The following PRKG1 variants were observed in gnomAD, a reference collection of about 807,000 sequenced individuals.
PRKG1 encodes protein kinase cGMP-dependent 1.
Under a neutral mutation model 88.1 loss-of-function variants are expected in PRKG1, and 35 were observed. The observed-to-expected ratio is 0.40, with a 90% CI of 0.30 to 0.53. The LOEUF is 0.53. PRKG1 is among the 20% of genes least tolerant of loss of function. PRKG1 has a pLI of 0.59. For missense variants in PRKG1, 540 were observed against 839.8 expected (o/e 0.64, Z 4.41); for synonymous variants, 303 against 292.5 (o/e 1.04, Z -0.37).
chr10:51,760,083 G>A (rs764485075), intron 3 of PRKG1, among the ~76,000 whole-genome samples: 6 of 152,174 alleles, frequency 3.9e-5, no homozygotes, highest in Non-Finnish European at 8.8e-5. Context: ...AGGCACTGCA[G>A]AGCACAGTCT....
intron 3 of PRKG1, among the ~76,000 whole-genome samples, chr10:51,704,866 A>G (rs1216797589): frequency 6.6e-6 from 1 of 152,228 alleles, no homozygotes; most frequent in Non-Finnish European, 1.5e-5. Context: ...AAACATGAAC[A>G]TAGAATAATA....
At chr10:52,221,826 GC>G (rs1192629878) in intron 9 of PRKG1, among the ~76,000 whole-genome samples, 3 of 152,160 alleles carry the variant, frequency 2.0e-5, no homozygotes. Flanking sequence ...AATGCAAGGT[GC>G]TTTTAGCCTT....
At chr10:51,621,326 TA>T (rs1839206359) in intron 3 of PRKG1, among the ~76,000 whole-genome samples, 1 of 57,536 alleles carries the variant, frequency 1.7e-5, no homozygotes, top group African/African-American at 4.3e-5. Context: ...CAGACCCCTT[TA>T]TACTTTAAGT....
rs1398082672 is a variant in PRKG1, at chr10:51,170,928, G to T, written c.478+17598G>T. 2.6e-5 allele frequency among the ~76,000 whole-genome samples: 4 copies of T among 152,042 alleles called. No homozygotes were observed. The East Asian group carries it at 7.7e-4, about 29-fold the overall frequency. On this transcript the variant is annotated intron_variant, in intron 2 of 17. Transcript: ENST00000373980. Reference sequence around the variant, plus strand: ...CATGCTCTAAGCTGTGGCTAATAAGGGACTTTCTTCCAGCGATGTAGAATA... The same window carrying T: ...CATGCTCTAAGCTGTGGCTAATAAGTGACTTTCTTCCAGCGATGTAGAATA...
intron 1 of PRKG1, among the ~76,000 whole-genome samples, chr10:51,010,677 C>T (rs913131224): frequency 6.6e-6 from 1 of 152,168 alleles, no homozygotes; most frequent in Admixed American, 6.6e-5. Context: ...GTGCTTGTTC[C>T]TAATCCTGAA....
intron 5 of PRKG1, among the ~76,000 whole-genome samples, chr10:51,941,262 T>TA (rs1842900805): frequency 1.3e-5 from 2 of 151,958 alleles, no homozygotes; most frequent in Admixed American, 6.6e-5. Flanking sequence ...TAAGGAATAG[T>TA]ATAATGAACA....
chr10:51,548,666 A>G (rs987744675), intron 3 of PRKG1, among the ~76,000 whole-genome samples: 4 of 152,134 alleles, frequency 2.6e-5, no homozygotes, highest in African/African-American at 9.6e-5. Flanking sequence ...AACTACTTCA[A>G]AAGCATTTTT....
intron 4 of PRKG1, among the ~76,000 whole-genome samples, chr10:51,808,395 G>C (rs935343606): frequency 2.6e-5 from 4 of 152,052 alleles, no homozygotes; most frequent in Non-Finnish European, 5.9e-5. Flanking sequence ...TCAGGAGTTT[G>C]AAACCAGCTT....
chr10:51,322,174 ATC>A (rs1183903401), intron 2 of PRKG1, among the ~76,000 whole-genome samples: 2 of 152,246 alleles, frequency 1.3e-5, no homozygotes, highest in South Asian at 2.1e-4. Flanking sequence ...GAAAAAGGGA[ATC>A]TCTGCATTTT....
chr10:51,578,800 A>G (rs1467729886), intron 3 of PRKG1, among the ~76,000 whole-genome samples: 3 of 151,882 alleles, frequency 2.0e-5, no homozygotes, highest in Non-Finnish European at 2.9e-5. Context: ...AATTACAGTG[A>G]TTTTCTTTCT....
intron 3 of PRKG1, among the ~76,000 whole-genome samples, chr10:51,704,525 G>T (rs1841557902): frequency 6.6e-6 from 1 of 152,162 alleles, no homozygotes; most frequent in South Asian, 2.1e-4. Flanking sequence ...GCCATTTGAT[G>T]AAATGGATAT....
chr10:51,872,422 G>A (rs996351492), intron 4 of PRKG1, among the ~76,000 whole-genome samples: 7 of 152,072 alleles, frequency 4.6e-5, no homozygotes, highest in Non-Finnish European at 7.4e-5. Flanking sequence ...TCTTATTAAC[G>A]TGATGACTAT....
At position 51,899,677 on chromosome 10, in the gene PRKG1, A is replaced by G. The variant is rs1201571265; in HGVS notation, c.699-7830A>G. Among the ~76,000 whole-genome samples, 12 of 143,862 alleles carry G rather than the reference A, an allele frequency of 8.3e-5. No homozygotes were observed. In the South Asian group the frequency reaches 2.6e-3, roughly 31 times the overall value. The allele number at this position is 143,862 out of a possible 152,430, so 94.4% of individuals were successfully genotyped here. On this transcript the variant is annotated intron_variant, in intron 4 of 17. Coordinates refer to ENST00000373980, the MANE Select transcript of PRKG1 (RefSeq NM_006258.4). ...TGTCAAAAAAAAGAAAAATGTATAT[A>G]TATATATATATATATATACAAATTT...
At chr10:51,926,990 C>A (rs1189993472) in intron 5 of PRKG1, among the ~76,000 whole-genome samples, 5 of 151,958 alleles carry the variant, frequency 3.3e-5, no homozygotes, top group African/African-American at 1.2e-4. Context: ...TTGTTCTAGA[C>A]CTTGATTCCT....
chr10:52,273,958 T>G (rs1841799893), intron 12 of PRKG1, among the ~76,000 whole-genome samples: 1 of 152,100 alleles, frequency 6.6e-6, no homozygotes, highest in African/African-American at 2.4e-5. Context: ...GCATATCTAA[T>G]GTGTTTCTAC....
intron 2 of PRKG1, among the ~76,000 whole-genome samples, chr10:51,291,891 T>A (rs1840592291): frequency 2.0e-5 from 3 of 152,216 alleles, no homozygotes; most frequent in Admixed American, 6.6e-5. Context: ...CTTGAGACAG[T>A]GAATTGCCTT....
intron 8 of PRKG1, among the ~76,000 whole-genome samples, chr10:52,151,457 T>C (rs1837914544): frequency 6.6e-6 from 1 of 152,184 alleles, no homozygotes; most frequent in Non-Finnish European, 1.5e-5. Context: ...TTTGTTTCCA[T>C]TGGGAAAGTA....
intron 2 of PRKG1, among the ~76,000 whole-genome samples, chr10:51,212,537 G>A (rs1440334970): frequency 6.6e-6 from 1 of 152,108 alleles, no homozygotes; most frequent in African/African-American, 2.4e-5. Context: ...GCAACCTAGA[G>A]AATGGGAGAA....
chr10:51,005,485 G>A (rs1842932194), intron 1 of PRKG1, among the ~76,000 whole-genome samples: 1 of 152,148 alleles, frequency 6.6e-6, no homozygotes, highest in Non-Finnish European at 1.5e-5. Context: ...GACATGGTAA[G>A]CTGGACATTT....
Sources: gnomAD v4.1 joint callset for allele counts (sites outside exome capture counted in the v4.1 genomes callset) on GRCh38, gnomAD v4.1.1 for gene constraint, MANE v1.5 for transcripts, NCBI Gene and HGNC (gene_info 2026-07-23, HGNC 2026-07-21) for gene names.